The following PRKCE variants were observed in gnomAD, a reference collection of about 807,000 sequenced individuals.
PRKCE encodes protein kinase C epsilon.
A neutral mutation model predicts 85.4 loss-of-function variants in PRKCE; 16 were observed. The ratio of observed to expected loss-of-function variants is 0.19; its 90% confidence interval spans 0.13 to 0.28. The LOEUF is 0.28. Among genes scored for constraint, PRKCE ranks in the 10% least tolerant of loss-of-function variants. The probability of loss-of-function intolerance (pLI) is 1.00; values close to 1 mark genes in which losing one functional copy is unlikely to be tolerated. For missense variants in PRKCE, 573 were observed against 975.2 expected (o/e 0.59, Z 5.49); for synonymous variants, 388 against 371.5 (o/e 1.04, Z -0.51).
At chr2:46,104,769 T>C (rs1356788333) in intron 11 of PRKCE, among the ~76,000 whole-genome samples, 1 of 152,162 alleles carries the variant, frequency 6.6e-6, no homozygotes, top group East Asian at 1.9e-4. Context: ...ATGAAACCAA[T>C]TGTCCAATGA....
At chr2:46,113,936 A>G (rs1316961515) in intron 11 of PRKCE, among the ~76,000 whole-genome samples, 1 of 152,090 alleles carries the variant, frequency 6.6e-6, no homozygotes, top group South Asian at 2.1e-4. Flanking sequence ...TCTCTTCAAG[A>G]CTATTCAAGA....
intron 1 of PRKCE, among the ~76,000 whole-genome samples, chr2:45,733,692 T>C (rs1315759625): frequency 1.3e-5 from 2 of 152,072 alleles, no homozygotes; most frequent in African/African-American, 4.8e-5. Flanking sequence ...CCTCTCACCG[T>C]CTCCACTATC....
intron 2 of PRKCE, among the ~76,000 whole-genome samples, chr2:45,958,521 AAAAG>A (rs201588097): frequency 0.024 from 3,540 of 149,766 alleles, 127 homozygotes; most frequent in East Asian, 0.21. Context: ...AAAAAAAAAA[AAAAG>A]AAAGAAAATC....
intron 1 of PRKCE, among the ~76,000 whole-genome samples, chr2:45,794,625 G>A (rs757873276): frequency 2.2e-4 from 34 of 152,108 alleles, no homozygotes; most frequent in Non-Finnish European, 4.9e-4. Context: ...TGACAGCCCC[G>A]TCTCTGGAGG....
chr2:45,789,328 CATTT>C (rs1246479708), intron 1 of PRKCE, among the ~76,000 whole-genome samples: 3 of 152,218 alleles, frequency 2.0e-5, no homozygotes, highest in Non-Finnish European at 4.4e-5. Flanking sequence ...TTATTTAATA[CATTT>C]ATTAAAATAC....
intron 1 of PRKCE, among the ~76,000 whole-genome samples, chr2:45,746,126 C>T (rs1313748270): frequency 6.6e-6 from 1 of 152,182 alleles, no homozygotes; most frequent in Non-Finnish European, 1.5e-5. Context: ...CTGCCCCTTC[C>T]CTCCTTCGTT....
intron 10 of PRKCE, among the ~76,000 whole-genome samples, chr2:46,067,352 G>A (rs1328958484): frequency 6.6e-6 from 1 of 152,226 alleles, no homozygotes; most frequent in Non-Finnish European, 1.5e-5. Flanking sequence ...ACTTAAAGTA[G>A]TGGTTCAGAG....
chr2:46,032,216 C>T (rs1054328680), intron 10 of PRKCE, among the ~76,000 whole-genome samples: 3 of 151,940 alleles, frequency 2.0e-5, no homozygotes, highest in African/African-American at 7.2e-5. Flanking sequence ...GCTTTTGCGA[C>T]AGGCAGGGTC....
chr2:46,014,149 GA>G (rs997819675), intron 10 of PRKCE, among the ~76,000 whole-genome samples: 1 of 152,166 alleles, frequency 6.6e-6, no homozygotes, highest in African/African-American at 2.4e-5. Flanking sequence ...GGGCTAGTGA[GA>G]AAAAGCAGAC....
At chr2:45,686,160 G>C (rs1191438673) in intron 1 of PRKCE, 1 of 151,978 alleles carries the variant, frequency 6.6e-6, no homozygotes, top group Non-Finnish European at 1.5e-5. Context: ...GCTTTAGCAG[G>C]GTAAATGTAG....
chr2:46,086,214 C>G lies in PRKCE; in HGVS notation c.1444C>G (p.Leu482Val). The G allele has an allele frequency of 6.3e-7, 1 of 1,599,614 alleles. No homozygotes were observed. The part of the protein sequence containing the change: ...LYCCFQTKDR[L>V]FFVMEYVNGG... Reference sequence around the variant, plus strand: ...TTTTCTTCTCTCCTTTCAGGACCGCCTCTTTTTCGTCATGGAATATGTAAA... The same window carrying G: ...TTTTCTTCTCTCCTTTCAGGACCGCGTCTTTTTCGTCATGGAATATGTAAA... The change falls in exon 11 of 15, where the codon CTC becomes GTC. Residue 482 changes from leucine to valine, a missense_variant. Leu to Val is a conservative substitution (Grantham distance 32). This residue lies in a region of PRKCE where 89 missense variants were observed against 154.1 expected (regional missense o/e 0.58). Coordinates refer to ENST00000306156, the MANE Select transcript of PRKCE (RefSeq NM_005400.3).
intron 2 of PRKCE, among the ~76,000 whole-genome samples, chr2:45,843,978 C>G (rs1691572364): frequency 6.6e-6 from 1 of 152,212 alleles, no homozygotes; most frequent in Non-Finnish European, 1.5e-5. Context: ...TCAGCTCTCT[C>G]AGCTCTCCTG....
rs188835467 is a variant in PRKCE, at chr2:45,726,808, C to G, written c.348+74360C>G. Among the ~76,000 whole-genome samples the G allele has an allele frequency of 1.2e-4, 18 of 152,196 alleles. No homozygotes were observed. In the East Asian group the frequency reaches 3.5e-3, roughly 29 times the overall value. On this transcript the variant is annotated intron_variant, in intron 1 of 14. Transcript: ENST00000306156. ...CCTCGGTCATCAGCCCTCCTGTTTT[C>G]CTAGGTGACATAGAGGGCTTGTAGG...
chr2:46,058,589 A>G (rs959077191), intron 10 of PRKCE, among the ~76,000 whole-genome samples: 10 of 152,220 alleles, frequency 6.6e-5, no homozygotes, highest in African/African-American at 2.4e-4. Context: ...CTCATTCTGC[A>G]TATCACCTGG....
At chr2:46,060,685 A>C in intron 10 of PRKCE, among the ~76,000 whole-genome samples, 1 of 146,668 alleles carries the variant, frequency 6.8e-6, no homozygotes. Context: ...CGTCCATCCC[A>C]CTCACCCAAA....
At chr2:46,141,792 G>T (rs1675559995) in intron 11 of PRKCE, among the ~76,000 whole-genome samples, 1 of 151,940 alleles carries the variant, frequency 6.6e-6, no homozygotes, top group Non-Finnish European at 1.5e-5. Context: ...CTGGGCAGTT[G>T]TCCCTCTTTG....
intron 1 of PRKCE, among the ~76,000 whole-genome samples, chr2:45,686,120 G>T (rs1677278641): frequency 1.3e-5 from 2 of 152,070 alleles, no homozygotes; most frequent in African/African-American, 4.8e-5. Flanking sequence ...AGTTTTAAAG[G>T]GAAGGAGTAT....
At chr2:45,691,621 TATC>T (rs1453505295) in intron 1 of PRKCE, among the ~76,000 whole-genome samples, 1 of 152,240 alleles carries the variant, frequency 6.6e-6, no homozygotes, top group Non-Finnish European at 1.5e-5. Context: ...ATTGGCATCT[TATC>T]ATTATACTCC....
chr2:46,033,630 A>C (rs1164709831), intron 10 of PRKCE, among the ~76,000 whole-genome samples: 1 of 152,236 alleles, frequency 6.6e-6, no homozygotes, highest in South Asian at 2.1e-4. Context: ...TTTAGAATCA[A>C]TCAGCAAATG....
Sources: allele counts gnomAD v4.1 joint callset (sites outside exome capture counted in the v4.1 genomes callset), GRCh38; gene constraint gnomAD v4.1.1; regional missense constraint gnomAD v4.1.1; transcripts MANE v1.5; gene names NCBI Gene and HGNC (gene_info 2026-07-23, HGNC 2026-07-21).